NETO1: variants seen among roughly 807,000 people sequenced by gnomAD.
The protein encoded by NETO1 is neuropilin and tolloid like 1.
A neutral mutation model predicts 61.3 loss-of-function variants in NETO1; 26 were observed. The observed-to-expected ratio is 0.42, with a 90% confidence interval of 0.31 to 0.59. The LOEUF (loss-of-function observed/expected upper bound fraction) is 0.59, where lower values mean the gene tolerates loss of function less well. Ranked by LOEUF, NETO1 falls within the 20% of genes least tolerant of loss-of-function variation. NETO1 has a pLI of 0.12. For missense variants in NETO1, 531 were observed against 662.8 expected, an observed-to-expected ratio of 0.80 and a Z score of 2.18; for synonymous variants, 225 against 225.8, an observed-to-expected ratio of 1.00 and a Z score of 0.03.
intron 6 of NETO1, among the ~76,000 whole-genome samples, chr18:72,784,108 T>A (rs913297407): frequency 6.6e-6 from 1 of 152,196 alleles, no homozygotes; most frequent in African/African-American, 2.4e-5. Flanking sequence ...ATCCTTTCTT[T>A]ACTTAAATGC....
chr18:72,779,974 C>T (rs369947566), intron 7 of NETO1, among the ~76,000 whole-genome samples: 1 of 152,142 alleles, frequency 6.6e-6, no homozygotes, highest in East Asian at 1.9e-4. Flanking sequence ...GGCAAGGCTG[C>T]TCTCTGGGCC....
At chr18:72,847,492 G>A (rs1405839455) in intron 4 of NETO1, among the ~76,000 whole-genome samples, 1 of 152,218 alleles carries the variant, frequency 6.6e-6, no homozygotes, top group African/African-American at 2.4e-5. Flanking sequence ...GCCTTAAAGA[G>A]TGCCAGGTTC....
At chr18:72,785,090 T>G (rs1471673068) in intron 6 of NETO1, among the ~76,000 whole-genome samples, 1 of 152,254 alleles carries the variant, frequency 6.6e-6, no homozygotes, top group Non-Finnish European at 1.5e-5. Context: ...TATTTTAATA[T>G]GAATGCCTAT....
intron 8 of NETO1, among the ~76,000 whole-genome samples, chr18:72,751,079 T>A: frequency 2.1e-5 from 1 of 46,920 alleles, no homozygotes; most frequent in South Asian, 5.6e-4. Context: ...ACACACACAA[T>A]CTATCTATAA....
intron 4 of NETO1, among the ~76,000 whole-genome samples, chr18:72,832,978 A>AT (rs1226645964): frequency 6.6e-6 from 1 of 152,156 alleles, no homozygotes; most frequent in Admixed American, 6.5e-5. Flanking sequence ...GGCTATGTAA[A>AT]TGTCTCTAAT....
intron 7 of NETO1, among the ~76,000 whole-genome samples, chr18:72,779,281 T>C (rs1406352181): frequency 6.6e-6 from 1 of 151,080 alleles, no homozygotes; most frequent in Non-Finnish European, 1.5e-5. Context: ...TAGTTACATA[T>C]TAAATGTATA....
intron 4 of NETO1, among the ~76,000 whole-genome samples, chr18:72,840,888 T>C (rs1206940945): frequency 6.6e-6 from 1 of 152,204 alleles, no homozygotes; most frequent in Non-Finnish European, 1.5e-5. Context: ...AACTATCAGA[T>C]AGTTAAATGT....
At chr18:72,862,246 G>A (rs1199013613) in intron 3 of NETO1, among the ~76,000 whole-genome samples, 1 of 152,126 alleles carries the variant, frequency 6.6e-6, no homozygotes, top group Non-Finnish European at 1.5e-5. Flanking sequence ...AGAATTCCTG[G>A]GGAAAGGCCC....
chr18:72,808,319 A>G lies in NETO1; in HGVS notation c.470-13915T>C, dbSNP rs1279965236. 2.6e-5 allele frequency among the ~76,000 whole-genome samples: 4 copies of G among 152,108 alleles called. No homozygotes were observed. The South Asian group carries it at 6.2e-4, about 24-fold the overall frequency. On this transcript the variant is annotated intron_variant, in intron 4 of 10. Transcript: ENST00000327305. ...TGAGTGTCTAGGAATAACGAAGTGC[A>G]GTCTTTGGGACCCAGGCTTACAAGC...
At chr18:72,801,262 T>G (rs767362284) in intron 4 of NETO1, among the ~76,000 whole-genome samples, 13 of 152,200 alleles carry the variant, frequency 8.5e-5, no homozygotes, top group Non-Finnish European at 1.6e-4. Flanking sequence ...AGACTCTTCC[T>G]CAGTAAATAA....
At position 72,783,678 on chromosome 18, in the gene NETO1, G is replaced by C. The variant is rs1459765500; in HGVS notation, c.868C>G (p.Pro290Ala). The part of the protein sequence containing the change: ...FQMLFTSFQE[P>A]PCEGNTFFCH... ...AATAGTCAAGTGCAGAGAATCTTAC[G>C]TTCTTGAAAGGATGTGAAGAGCATC... is the stretch of plus-strand genomic sequence containing the variant. The change falls in exon 7 of 11, where the codon CCT becomes GCT. Residue 290 changes from proline (P) to alanine (A), a missense_variant and splice_region_variant. Physicochemically the swap from Pro to Ala is conservative, Grantham distance 27 (BLOSUM62 -1). Transcript: ENST00000327305. The C allele has an allele frequency of 6.8e-6, 11 of 1,613,420 alleles. No homozygotes were observed. Among genetic ancestry groups the C allele is most frequent in the Non-Finnish European group, 9.3e-6 (11 of 1,179,482 alleles).
At chr18:72,749,139 A>AT in intron 9 of NETO1, 51 bp from the exon 10 acceptor site, 2 of 1,079,322 alleles carry the variant, frequency 1.9e-6, no homozygotes, top group Non-Finnish European at 1.4e-6. Flanking sequence ...GCACAAAAAA[A>AT]TATGTATACA....
chr18:72,857,582 T>C (rs989206558), intron 4 of NETO1, among the ~76,000 whole-genome samples: 1 of 152,242 alleles, frequency 6.6e-6, no homozygotes, highest in Non-Finnish European at 1.5e-5. Flanking sequence ...GTACAGGTTA[T>C]ATTCAAAATT....
At chr18:72,788,261 C>A (rs925398484) in intron 6 of NETO1, among the ~76,000 whole-genome samples, 1 of 152,044 alleles carries the variant, frequency 6.6e-6, no homozygotes, top group Non-Finnish European at 1.5e-5. Flanking sequence ...CAGGTAATCA[C>A]GTCTGAAGCA....
chr18:72,798,258 G>A lies in NETO1; in HGVS notation c.470-3854C>T, dbSNP rs188175671. Among the ~76,000 whole-genome samples, 538 of 152,266 alleles carry A rather than the reference G, an allele frequency of 3.5e-3. 4 individuals are homozygous for A. Among genetic ancestry groups the A allele is most frequent in the Non-Finnish European group, 6.6e-3 (446 of 68,012 alleles). ...GCAGCAGCATTAGATTCTCATAGGA[G>A]CTTCAACCCTATTGCGAACTGTGCA... On this transcript the variant is annotated intron_variant, in intron 4 of 10. Transcript: ENST00000327305.
At chr18:72,859,616 G>A (rs1368565675) in intron 3 of NETO1, among the ~76,000 whole-genome samples, 1 of 152,080 alleles carries the variant, frequency 6.6e-6, no homozygotes, top group African/African-American at 2.4e-5. Context: ...TCAGCAGCTG[G>A]ACCATGATCA....
intron 4 of NETO1, among the ~76,000 whole-genome samples, chr18:72,805,312 A>G (rs1204191114): frequency 6.6e-6 from 1 of 152,198 alleles, no homozygotes; most frequent in Non-Finnish European, 1.5e-5. Flanking sequence ...AATGAATCAA[A>G]TTTTTATGAG....
intron 7 of NETO1, among the ~76,000 whole-genome samples, chr18:72,761,845 A>G (rs951042929): frequency 1.3e-5 from 2 of 152,194 alleles, no homozygotes; most frequent in African/African-American, 4.8e-5. Context: ...TGGAAACAAA[A>G]TTTAGTACAA....
chr18:72,772,515 T>C (rs2071384789), intron 7 of NETO1, among the ~76,000 whole-genome samples: 1 of 151,720 alleles, frequency 6.6e-6, no homozygotes, highest in Admixed American at 6.6e-5. Flanking sequence ...GCTCCAACAT[T>C]CCCAACACAG....
Sources: gnomAD v4.1 joint callset for allele counts (sites outside exome capture counted in the v4.1 genomes callset) on GRCh38, gnomAD v4.1.1 for gene constraint, MANE v1.5 for transcripts, NCBI Gene and HGNC (gene_info 2026-07-23, HGNC 2026-07-21) for gene names.